Variants in GPM6A observed in about 807,000 individuals in gnomAD.
GPM6A encodes glycoprotein M6A, also known as neuronal membrane glycoprotein M6-a.
In GPM6A, 7 loss-of-function variants were observed where a neutral mutation model predicts 32.1. The ratio of observed to expected loss-of-function variants is 0.22; its 90% CI spans 0.12 to 0.41. The LOEUF (loss-of-function observed/expected upper bound fraction) is 0.41, where lower values mean the gene tolerates loss of function less well. Ranked by LOEUF, GPM6A falls within the 10% of genes least tolerant of loss-of-function variation. The pLI is 1.00. For synonymous variants in GPM6A, 130 were observed against 123.4 expected, an observed-to-expected ratio of 1.05 and a Z score of -0.35; for missense variants, 235 against 347.2, an observed-to-expected ratio of 0.68 and a Z score of 2.57.
Position 175,912,471 on chromosome 4 carries a change from G to A in GPM6A, c.-23+89838C>T, listed in dbSNP as rs550462468. On this transcript the variant is annotated intron_variant, in intron 1 of 7. Transcript: ENST00000280187. ...GGAGTTCGAGACCAGCCAGGCCAACGTGGTGAAACACTGTCTCTACTAAAA... is the reference window on the plus strand; with the variant it reads ...GGAGTTCGAGACCAGCCAGGCCAACATGGTGAAACACTGTCTCTACTAAAA... Among the ~76,000 whole-genome samples the A allele has an allele frequency of 5.3e-5, 8 of 151,926 alleles. No homozygotes were observed. In the East Asian group the frequency reaches 7.7e-4, roughly 15 times the overall value.
At chr4:175,701,529 G>A (rs774031576) in intron 2 of GPM6A, 46 bp downstream of exon 2, 10 of 1,393,302 alleles carry the variant, frequency 7.2e-6, no homozygotes, top group Middle Eastern at 1.8e-4. Context: ...ACATAGAAGT[G>A]TAAATATATA....
At chr4:175,730,017 C>G (rs938208560) in intron 1 of GPM6A, among the ~76,000 whole-genome samples, 2 of 150,528 alleles carry the variant, frequency 1.3e-5, no homozygotes, top group African/African-American at 2.4e-5. Flanking sequence ...GTCATGCTGC[C>G]TTTCATGCAT....
chr4:175,807,101 G>A (rs1226885351), intron 1 of GPM6A: 2 of 152,096 alleles, frequency 1.3e-5, no homozygotes, highest in Non-Finnish European at 2.9e-5. Flanking sequence ...ACATATTAAG[G>A]ATTATAAATC....
chr4:175,937,439 A>G (rs572114437), intron 1 of GPM6A, among the ~76,000 whole-genome samples: 34 of 152,318 alleles, frequency 2.2e-4, no homozygotes, highest in Non-Finnish European at 4.9e-4. Flanking sequence ...TAAATCTAAA[A>G]CTAAGTTACA....
intron 4 of GPM6A, among the ~76,000 whole-genome samples, chr4:175,645,864 T>C (rs985678420): frequency 7.9e-5 from 12 of 152,174 alleles, no homozygotes; most frequent in Non-Finnish European, 1.6e-4. Context: ...TTAAAAATAA[T>C]TTATCATTTA....
At position 175,652,111 on chromosome 4, in the gene GPM6A, A is replaced by G. The variant is rs1579343920; in HGVS notation, c.388-124T>C. 9.8e-6 allele frequency: 6 copies of G among 610,008 alleles called. No homozygotes were observed. The East Asian group carries it at 1.8e-4, about 18-fold the overall frequency. The allele number at this position is 610,008 out of a possible 1,614,324, so 37.8% of individuals were successfully genotyped here. On this transcript the variant is annotated intron_variant, in intron 3 of 6. Transcript: ENST00000393658. ...ATACAGTACATAAGTCAGTATCACAACACTGTTGATTTGCAGCACAGAAGG... is the reference window on the plus strand; with the variant it reads ...ATACAGTACATAAGTCAGTATCACAGCACTGTTGATTTGCAGCACAGAAGG...
chr4:175,670,769 C>A (rs1468570991), intron 3 of GPM6A, among the ~76,000 whole-genome samples: 1 of 151,742 alleles, frequency 6.6e-6, no homozygotes, highest in Non-Finnish European at 1.5e-5. Context: ...AAAGGAAACA[C>A]AGAATGCAGA....
chr4:175,758,282 C>A (rs1174455237), intron 1 of GPM6A, among the ~76,000 whole-genome samples: 1 of 152,202 alleles, frequency 6.6e-6, no homozygotes, highest in East Asian at 1.9e-4. Flanking sequence ...TATTCCATTT[C>A]TTTTTTAAAA....
chr4:175,966,856 A>G (rs1740349011), intron 1 of GPM6A, among the ~76,000 whole-genome samples: 1 of 152,214 alleles, frequency 6.6e-6, no homozygotes. Flanking sequence ...GCAAATGAAG[A>G]TGGGTCTACT....
intron 1 of GPM6A, among the ~76,000 whole-genome samples, chr4:175,709,727 CAAAA>C (rs559363193): frequency 1.5e-5 from 1 of 68,588 alleles, no homozygotes. Flanking sequence ...GACTCCATCT[CAAAA>C]AAAAAAAAAA....
At chr4:175,695,543 T>C (rs974338162) in intron 2 of GPM6A, among the ~76,000 whole-genome samples, 1 of 152,246 alleles carries the variant, frequency 6.6e-6, no homozygotes, top group Non-Finnish European at 1.5e-5. Flanking sequence ...TGGGGGCTTA[T>C]AGCCCCTTTC....
At chr4:175,801,596 G>T (rs374529910) in intron 1 of GPM6A, among the ~76,000 whole-genome samples, 4 of 152,146 alleles carry the variant, frequency 2.6e-5, no homozygotes, top group African/African-American at 9.6e-5. Flanking sequence ...ATGACCAGTG[G>T]ATATGATACA....
chr4:175,646,273 G>A (rs1388096472), intron 4 of GPM6A, among the ~76,000 whole-genome samples: 1 of 152,160 alleles, frequency 6.6e-6, no homozygotes, highest in Admixed American at 6.5e-5. Context: ...TTATTTAGCA[G>A]AAATGAATAT....
In GPM6A at chr4:175,772,363, G is replaced by T. The variant is rs1005442041; in HGVS notation, c.37+39828C>A. On this transcript the variant is annotated intron_variant, in intron 1 of 6. Coordinates refer to ENST00000393658, the MANE Select transcript of GPM6A (RefSeq NM_201591.3). Reference sequence around the variant, plus strand: ...TCAGGAAAGGCTGAAGTCCTAGGGGGTTAGGAGGATGAAGAGCAATGTGAG... The same window carrying T: ...TCAGGAAAGGCTGAAGTCCTAGGGGTTTAGGAGGATGAAGAGCAATGTGAG... Among the ~76,000 whole-genome samples, 19 of 152,304 alleles carry T rather than the reference G, an allele frequency of 1.2e-4. No individual in the cohort carries two copies. In the East Asian group the frequency reaches 3.5e-3, roughly 28 times the overall value.
At chr4:175,660,381 C>T (rs1742338422) in intron 3 of GPM6A, among the ~76,000 whole-genome samples, 1 of 148,746 alleles carries the variant, frequency 6.7e-6, no homozygotes, top group South Asian at 2.1e-4. Flanking sequence ...AAGACTCCAT[C>T]TCAAAAAAAA....
intron 1 of GPM6A, among the ~76,000 whole-genome samples, chr4:175,940,028 T>A (rs1739356921): frequency 6.6e-6 from 1 of 152,164 alleles, no homozygotes; most frequent in African/African-American, 2.4e-5. Context: ...GATTAAATAG[T>A]GATGCAGTAG....
At chr4:175,812,522 T>G, upstream of GPM6A, 1 of 1,105,066 alleles carries the variant, frequency 9.0e-7, no homozygotes, top group Non-Finnish European at 1.1e-6. Flanking sequence ...AAGCAGGTAT[T>G]CAAACAAATA....
chr4:175,827,499 C>A (rs1455914018), intron 1 of GPM6A, among the ~76,000 whole-genome samples: 1 of 152,160 alleles, frequency 6.6e-6, no homozygotes, highest in Non-Finnish European at 1.5e-5. Context: ...GGGACTAGAA[C>A]CCAGAAGGTC....
At chr4:175,685,519 T>G (rs1429548118) in intron 2 of GPM6A, among the ~76,000 whole-genome samples, 1 of 152,194 alleles carries the variant, frequency 6.6e-6, no homozygotes, top group Admixed American at 6.5e-5. Context: ...GATTTTTACA[T>G]GTAAATTTTA....
Sources: allele counts gnomAD v4.1 joint callset (sites outside exome capture counted in the v4.1 genomes callset), GRCh38; gene constraint gnomAD v4.1.1; transcripts MANE v1.5; gene names NCBI Gene and HGNC (gene_info 2026-07-23, HGNC 2026-07-21).